ADAM22: variants seen among roughly 807,000 people sequenced by gnomAD.
The protein encoded by ADAM22 is disintegrin and metalloproteinase domain-containing protein 22.
ADAM22 carries 65 observed loss-of-function variants against 144.6 expected under a neutral mutation model. The ratio of observed to expected loss-of-function variants is 0.45; its 90% CI spans 0.37 to 0.55. ADAM22 has a LOEUF of 0.55. Ranked by LOEUF, ADAM22 falls within the 20% of genes least tolerant of loss-of-function variation. The pLI, the probability that ADAM22 is intolerant of heterozygous loss-of-function variation, is 0.00. For missense variants in ADAM22, 974 were observed against 1,184.9 expected (o/e 0.82, Z 2.61); for synonymous variants, 391 against 412.6 (o/e 0.95, Z 0.63).
chr7:87,948,972 G>A (rs1844380387), intron 2 of ADAM22, among the ~76,000 whole-genome samples: 1 of 152,168 alleles, frequency 6.6e-6, no homozygotes, highest in Non-Finnish European at 1.5e-5. Context: ...CAGGAAAAAA[G>A]TTCTGTGACC....
intron 3 of ADAM22, among the ~76,000 whole-genome samples, chr7:88,055,951 C>T (rs1808147299): frequency 6.6e-6 from 1 of 152,214 alleles, no homozygotes; most frequent in South Asian, 2.1e-4. Flanking sequence ...GATTGCCAAT[C>T]ATCAGCCAAG....
intron 28 of ADAM22, 124 bp downstream of exon 28, chr7:88,181,729 A>C: frequency 1.1e-6 from 1 of 888,864 alleles, no homozygotes; most frequent in Middle Eastern, 2.2e-4. Flanking sequence ...AGAGGAGAAT[A>C]TGTAGAATGA....
chr7:87,964,622 ATTT>A (rs758970828), intron 2 of ADAM22: 2 of 418,490 alleles, frequency 4.8e-6, no homozygotes, highest in Non-Finnish European at 4.7e-6. Context: ...TACTCATTTA[ATTT>A]TTTTTTAGAT....
chr7:87,944,437 A>G (rs776797148), intron 2 of ADAM22, among the ~76,000 whole-genome samples: 2 of 152,134 alleles, frequency 1.3e-5, no homozygotes, highest in African/African-American at 2.4e-5. Context: ...GTGGATTTTT[A>G]ATGCCTTTGG....
chr7:88,116,841 A>G lies in ADAM22; in HGVS notation c.607+27A>G, dbSNP rs372086310. ...TATGATGTTCATATAGTGACTTTTT[A>G]TCTAAAAGACAACTTCAGTAATTTA... is the stretch of plus-strand genomic sequence containing the variant. On this transcript the variant is annotated intron_variant, in intron 7 of 31. Coordinates refer to ENST00000413139, the MANE Select transcript of ADAM22 (RefSeq NM_001324418.2). 1.6e-5 allele frequency: 25 copies of G among 1,530,456 alleles called. No homozygotes were observed. In the African/African-American group the frequency reaches 2.9e-4, roughly 18 times the overall value. 94.8% of individuals were successfully genotyped at this position (1,530,456 alleles called of 1,614,324 possible). A position where few individuals can be genotyped will look rare whatever the true frequency, so the allele number is the denominator to read the frequency against.
At chr7:88,019,322 A>C (rs1210858969) in intron 3 of ADAM22, among the ~76,000 whole-genome samples, 2 of 151,878 alleles carry the variant, frequency 1.3e-5, no homozygotes, top group African/African-American at 4.8e-5. Flanking sequence ...AAAAATACAA[A>C]AAATTAGTTG....
At chr7:88,088,254 A>C (rs1250122862) in intron 4 of ADAM22, among the ~76,000 whole-genome samples, 1 of 152,186 alleles carries the variant, frequency 6.6e-6, no homozygotes, top group Admixed American at 6.6e-5. Context: ...AGGAAGCCTG[A>C]GTTTTTATCC....
rs3086405 is a variant in ADAM22 at position 87,982,670 on chromosome 7, CATAT to C, written c.323+4284_323+4287del. On this transcript the variant is annotated intron_variant, in intron 3 of 31. Transcript: ENST00000413139. ...ATTTATTCATCAGATTCAGTTATTA[CATAT>C]ATATATATATATATATATATATATA... is the stretch of plus-strand genomic sequence containing the variant. Among the ~76,000 whole-genome samples, 7 of 38,110 alleles carry C rather than the reference CATAT, an allele frequency of 1.8e-4. 1 individual carries two copies. The highest frequency in any genetic ancestry group is 2.4e-3 in the South Asian group (2 of 850). The allele number at this position is 38,110 out of a possible 152,430, so 25.0% of individuals were successfully genotyped here. A position where few individuals can be genotyped will look rare whatever the true frequency, so the allele number is the denominator to read the frequency against.
intron 4 of ADAM22, among the ~76,000 whole-genome samples, chr7:88,103,358 A>G (rs1394339171): frequency 1.3e-5 from 2 of 152,050 alleles, no homozygotes; most frequent in African/African-American, 4.8e-5. Context: ...AGATTTTGCT[A>G]TCTGTTTAAT....
chr7:88,006,657 A>G (rs1412030435), intron 3 of ADAM22, among the ~76,000 whole-genome samples: 1 of 147,720 alleles, frequency 6.8e-6, no homozygotes, highest in African/African-American at 2.5e-5. Context: ...AAACCACATG[A>G]TTATCTCAAT....
intron 4 of ADAM22, among the ~76,000 whole-genome samples, chr7:88,079,783 A>C (rs1815920805): frequency 6.6e-6 from 1 of 152,240 alleles, no homozygotes; most frequent in African/African-American, 2.4e-5. Context: ...GATCAATTCA[A>C]CAAGAAGAAC....
intron 4 of ADAM22, among the ~76,000 whole-genome samples, chr7:88,097,136 A>T (rs538378071): frequency 1.1e-4 from 17 of 149,036 alleles, no homozygotes; most frequent in African/African-American, 4.0e-4. Context: ...TGCAACCAGA[A>T]TCTTTTTTTC....
At chr7:88,134,549 A>G in intron 13 of ADAM22, 130 bp downstream of exon 13, 2 of 625,086 alleles carry the variant, frequency 3.2e-6, no homozygotes, top group Non-Finnish European at 5.4e-6. Flanking sequence ...ATAAACATCC[A>G]GCGCACAAAC....
chr7:87,995,626 T>A (rs1443218010), intron 3 of ADAM22, among the ~76,000 whole-genome samples: 1 of 152,166 alleles, frequency 6.6e-6, no homozygotes, highest in Non-Finnish European at 1.5e-5. Flanking sequence ...ACCTGCTGAA[T>A]CAGAATCGCT....
At chr7:88,083,457 G>T (rs1817485612) in intron 4 of ADAM22, among the ~76,000 whole-genome samples, 2 of 151,746 alleles carry the variant, frequency 1.3e-5, no homozygotes, top group African/African-American at 2.4e-5. Context: ...CCTGCACGTT[G>T]TTCCCATGTA....
In ADAM22 at chr7:88,028,496, A is replaced by C. The variant is rs1372191118; in HGVS notation, c.324-47130A>C. 2.0e-5 allele frequency among the ~76,000 whole-genome samples: 3 copies of C among 152,112 alleles called. No individual in the cohort carries two copies. In the East Asian group the frequency reaches 5.8e-4, roughly 29 times the overall value. The stretch of plus-strand genomic sequence containing the variant: ...TGTTCTGTAAATATCTATTAAGTCC[A>C]TTTGTTCTATAATGCAGATTAAGTC... On this transcript the variant is annotated intron_variant, in intron 3 of 31. Coordinates refer to ENST00000413139, the MANE Select transcript of ADAM22 (RefSeq NM_001324418.2).
chr7:88,183,790 C>T (rs1176032188), intron 29 of ADAM22, among the ~76,000 whole-genome samples: 1 of 150,886 alleles, frequency 6.6e-6, no homozygotes, highest in South Asian at 2.1e-4. Context: ...CACATACCTT[C>T]TTGTATAGGA....
chr7:88,173,122 T>G (rs1171779935), intron 26 of ADAM22, among the ~76,000 whole-genome samples: 1 of 152,054 alleles, frequency 6.6e-6, no homozygotes, highest in Non-Finnish European at 1.5e-5. Context: ...ATAAGGGAAT[T>G]GCCCACACTT....
chr7:87,935,039 G>A lies in ADAM22; in HGVS notation c.99G>A (p.Leu33=). 6.2e-7 allele frequency: 1 copy of A among 1,614,172 alleles called. No homozygotes were observed. The highest frequency in any genetic ancestry group is 8.5e-7 in the Non-Finnish European group (1 of 1,180,026). Residue 33 remains leucine, a synonymous_variant, in exon 2 of 32, where the codon TTG becomes TTA. Coordinates refer to ENST00000413139, the MANE Select transcript of ADAM22 (RefSeq NM_001324418.2). ...ARCGQAGDAS[L]MELEKRKENR... Reference sequence around the variant, plus strand: ...TCCTGCCTGGAGGAGACGCCTCATTGATGGAGCTAGAGAAGAGGAAGGAAA... The same window carrying A: ...TCCTGCCTGGAGGAGACGCCTCATTAATGGAGCTAGAGAAGAGGAAGGAAA...
Sources: allele counts gnomAD v4.1 joint callset (sites outside exome capture counted in the v4.1 genomes callset), GRCh38; gene constraint gnomAD v4.1.1; transcripts MANE v1.5; gene names NCBI Gene and HGNC (gene_info 2026-07-23, HGNC 2026-07-21).